Variants in PASK observed in about 807,000 individuals in gnomAD.
PASK encodes PAS domain-containing serine/threonine-protein kinase.
A neutral mutation model predicts 121.0 loss-of-function variants in PASK; 110 were observed. That is an observed-to-expected ratio of 0.91 (90% confidence interval 0.78 to 1.06). The LOEUF (loss-of-function observed/expected upper bound fraction) is 1.06, where lower values mean the gene tolerates loss of function less well. Among genes scored for constraint, PASK ranks in the 50% least tolerant of loss-of-function variants. PASK has a pLI of 0.00. For synonymous variants in PASK, 686 were observed against 717.8 expected, an observed-to-expected ratio of 0.96 and a Z score of 0.71; for missense variants, 1,643 against 1,702.3, an observed-to-expected ratio of 0.97 and a Z score of 0.61.
In PASK at chr2:241,145,425, G is replaced by A. The variant is rs79414439; in HGVS notation, c.-42-2351C>T. On this transcript the variant is annotated intron_variant, in intron 1 of 17. Transcript: ENST00000234040. ...AATTGCTTGAGCCCAGGGAGATGGA[G>A]GCCAGCCTAGGCAACAAAGCGAGAC... 9.9e-5 allele frequency among the ~76,000 whole-genome samples: 15 copies of A among 152,144 alleles called. No homozygotes were observed. In the East Asian group the frequency reaches 2.9e-3, roughly 29 times the overall value.
At chr2:241,146,571 CAAAT>C (rs1448306334) in intron 1 of PASK, among the ~76,000 whole-genome samples, 2 of 152,124 alleles carry the variant, frequency 1.3e-5, no homozygotes, top group Admixed American at 6.5e-5. Flanking sequence ...GCAGTGAAAA[CAAAT>C]AAACTACACA....
intron 1 of PASK, among the ~76,000 whole-genome samples, chr2:241,144,821 G>C (rs1305290361): frequency 6.6e-6 from 1 of 152,238 alleles, no homozygotes; most frequent in Non-Finnish European, 1.5e-5. Flanking sequence ...AGCATCTGGT[G>C]GCTACTGGCC....
Position 241,115,118 on chromosome 2 carries a change from G to A in PASK, c.3258C>T (p.Ser1086=), listed in dbSNP as rs6728223. The part of the protein sequence containing the change: ...FFQLVMEKHG[S]GLDLFAFIDR... ...CGATGAAAGCGAAGAGGTCTAGGCC[G>A]GAGCCGTGCTTCTCCATCACAAGCT... The change falls in exon 14 of 18, where the codon TCC becomes TCT. Residue 1086 remains serine (S), a synonymous_variant. Transcript: ENST00000234040. The A allele has an allele frequency of 6.8e-3, 10,947 of 1,614,026 alleles. 627 individuals carry two copies. The African/African-American group carries it at 0.12, about 18-fold the overall frequency.
Position 241,108,247 on chromosome 2 carries a change from A to C in PASK, c.3587T>G (p.Leu1196Arg), listed in dbSNP as rs758861242. Residue 1196 changes from leucine (L) to arginine (R), a missense_variant, in exon 16 of 18, where the codon CTG (leucine) becomes CGG (arginine). Coordinates refer to ENST00000234040, the MANE Select transcript of PASK (RefSeq NM_015148.4). The surrounding 1 kb of genome is among the most constrained non-coding windows in gnomAD (Gnocchi z 5.2). The part of the protein sequence containing the change: ...MWSLGVTLYT[L>R]VFEENPFCEL... ...ACAGAAGGGGTTCTCCTCAAAGACC[A>C]GCGTGTACAGAGTGACTCCCAGAGA... The C allele has an allele frequency of 1.2e-6, 2 of 1,613,814 alleles. No individual in the cohort carries two copies. The highest frequency in any genetic ancestry group is 1.3e-5 in the African/African-American group (1 of 74,906).
In PASK at chr2:241,140,669, T is replaced by G. The variant is rs747825731; in HGVS notation, c.281A>C (p.Glu94Ala). The G allele has an allele frequency of 6.2e-7, 1 of 1,614,104 alleles. No homozygotes were observed. The change falls in exon 3 of 18, where the codon GAG (glutamate) becomes GCG (alanine). Residue 94 changes from glutamate (E) to alanine (A), a missense_variant. Transcript: ENST00000234040. ...TSKLHCPAAP[E>A]HTDPSEPRGS... ...CCGCGGTTCGGACGGGTCCGTGTGC[T>G]CAGGGGCAGCAGGGCAGTGCAGTTT...
At chr2:241,114,527 C>A (rs1397213688) in intron 14 of PASK, 3 of 1,007,088 alleles carry the variant, frequency 3.0e-6, no homozygotes, top group Non-Finnish European at 3.6e-6. Context: ...GATCATCACT[C>A]TCCCATTCCA....
Position 241,136,059 on chromosome 2 carries a change from C to T in PASK, c.1138-20G>A. 6.2e-7 allele frequency: 1 copy of T among 1,610,254 alleles called. No homozygotes were observed. The highest frequency in any genetic ancestry group is 1.1e-5 in the South Asian group (1 of 90,964). On this transcript the variant is annotated intron_variant, in intron 7 of 17. Transcript: ENST00000234040. ...GATATTCTAGAAAACAAAGCAGGGA[C>T]ATTTCAGAACCTGGAGGATCCACGC... is the stretch of plus-strand genomic sequence containing the variant.
upstream of PASK, chr2:241,150,118 C>T (rs1194381217): frequency 7.9e-7 from 1 of 1,260,774 alleles, no homozygotes; most frequent in Non-Finnish European, 1.0e-6. Flanking sequence ...GCGGCCCCTC[C>T]ACGCCTCCGA....
chr2:241,140,437 G>T, intron 3 of PASK, 84 bp downstream of exon 3: 2 of 1,027,742 alleles, frequency 1.9e-6, no homozygotes, highest in Non-Finnish European at 3.0e-6. Context: ...TTTTCTAATT[G>T]CATTAAAACA....
chr2:241,126,759 G>A lies in PASK; in HGVS notation c.2156C>T (p.Ala719Val), dbSNP rs199611259. ...TGSSSACYAL[A>V]TDLPGGLEAV... ...TTCCAGGCCCCCAGGGAGGTCCGTG[G>A]CCAAGGCATAGCAGGCTGAGGAGCT... is the stretch of plus-strand genomic sequence containing the variant. The change falls in exon 10 of 18, where the codon GCC (alanine) becomes GTC (valine). Residue 719 changes from alanine to valine, a missense_variant. By Grantham distance (64) the Ala-to-Val change is moderately conservative. This residue lies in a region of PASK where 1,176 missense variants were observed against 1,162.2 expected (regional missense o/e 1.01). Transcript: ENST00000234040. The A allele has an allele frequency of 3.1e-6, 5 of 1,614,082 alleles. No individual in the cohort carries two copies. Among genetic ancestry groups the A allele is most frequent in the Non-Finnish European group, 4.2e-6 (5 of 1,180,024 alleles).
Position 241,115,139 on chromosome 2 carries a change from A to C in PASK, c.3237T>G (p.Leu1079=), listed in dbSNP as rs769190276. 2.5e-6 allele frequency: 4 copies of C among 1,614,074 alleles called. No homozygotes were observed. The South Asian group carries it at 4.4e-5, about 18-fold the overall frequency. Residue 1079 remains leucine, a synonymous_variant, in exon 14 of 18, where the codon CTT becomes CTG. Coordinates refer to ENST00000234040, the MANE Select transcript of PASK (RefSeq NM_015148.4). ...GGCCGGAGCCGTGCTTCTCCATCAC[A>C]AGCTGGAAGAACCCTTGGTTTTCAA... is the stretch of plus-strand genomic sequence containing the variant. ...DIFENQGFFQ[L]VMEKHGSGLD... is the part of the protein sequence containing the mutation.
chr2:241,142,524 A>G (rs1002668257), intron 2 of PASK, among the ~76,000 whole-genome samples: 3 of 152,258 alleles, frequency 2.0e-5, no homozygotes, highest in Admixed American at 2.0e-4. Context: ...AGCCTAACCT[A>G]GAACAGCGTT....
chr2:241,145,402 T>C (rs890724160), intron 1 of PASK, among the ~76,000 whole-genome samples: 25 of 152,180 alleles, frequency 1.6e-4, no homozygotes, highest in African/African-American at 4.3e-4. Context: ...GGCAGGATAA[T>C]TGCTTGAGCC....
Position 241,133,023 on chromosome 2 carries a change from C to T in PASK, c.1314G>A (p.Arg438=), listed in dbSNP as rs150978020. 531 of 1,614,040 alleles carry T rather than the reference C, an allele frequency of 3.3e-4. 1 individual carries two copies. Among genetic ancestry groups the T allele is most frequent in the Non-Finnish European group, 4.3e-4 (507 of 1,180,014 alleles). Residue 438 remains arginine (R), a synonymous_variant, in exon 9 of 18, where the codon AGG becomes AGA. Coordinates refer to ENST00000234040, the MANE Select transcript of PASK (RefSeq NM_015148.4). The stretch of plus-strand genomic sequence containing the variant: ...GGCCACCAGCAAGCACGACATTAAT[C>T]CTTGGATCTGGCAGCAACACCAAAA... ...QDPAEGGQDP[R]INVVLAGGHV... is the part of the protein sequence containing the mutation.
chr2:241,142,059 G>A (rs971519642), intron 2 of PASK, among the ~76,000 whole-genome samples: 5 of 152,054 alleles, frequency 3.3e-5, no homozygotes, highest in Non-Finnish European at 4.4e-5. Context: ...TCCCAAGGGC[G>A]CTGTGTGCCT....
chr2:241,123,848 CTG>C, intron 11 of PASK, 99 bp downstream of exon 11: 1 of 917,196 alleles, frequency 1.1e-6, no homozygotes, highest in Non-Finnish European at 1.7e-6. Flanking sequence ...TACAAACAGA[CTG>C]TATTCCCGTC....
chr2:241,108,265 C>T lies in PASK; in HGVS notation c.3569G>A (p.Gly1190Glu), dbSNP rs749420303. 1 of 1,614,036 alleles carries T rather than the reference C, an allele frequency of 6.2e-7. No individual in the cohort carries two copies. The highest frequency in any genetic ancestry group is 1.1e-5 in the South Asian group (1 of 91,068). ...AAAGACCAGCGTGTACAGAGTGACT[C>T]CCAGAGACCACATCTCCAGCTCCGG... Reference protein sequence around the residue: ...RGPELEMWSLGVTLYTLVFEE... With the variant: ...RGPELEMWSLEVTLYTLVFEE... The change falls in exon 16 of 18, where the codon GGA becomes GAA. Residue 1190 changes from glycine to glutamate, a missense_variant. By Grantham distance (98) the Gly-to-Glu change is moderately conservative. Around this residue, in one of 3 missense-constraint regions of PASK, gnomAD observed 453 missense variants for 511.2 expected, o/e 0.89. Coordinates refer to ENST00000234040, the MANE Select transcript of PASK (RefSeq NM_015148.4). This position sits in a 1 kb window ranked among gnomAD's most constrained non-coding sequence, Gnocchi z 5.2.
At chr2:241,116,587 AACAT>A (rs2065380152) in intron 12 of PASK, among the ~76,000 whole-genome samples, 1 of 152,256 alleles carries the variant, frequency 6.6e-6, no homozygotes, top group Non-Finnish European at 1.5e-5. Context: ...ACATGTTTTC[AACAT>A]TGACTCTGAG....
intron 12 of PASK, among the ~76,000 whole-genome samples, chr2:241,115,681 A>AG (rs1368558267): frequency 0.018 from 2,278 of 124,850 alleles, 29 homozygotes; most frequent in African/African-American, 0.037. Flanking sequence ...CCATTACACC[A>AG]GGGCCACCCA....
Sources: allele counts gnomAD v4.1 joint callset (sites outside exome capture counted in the v4.1 genomes callset), GRCh38; gene constraint gnomAD v4.1.1; regional missense constraint gnomAD v4.1.1; non-coding constraint Gnocchi (gnomAD v3.1); transcripts MANE v1.5; gene names NCBI Gene and HGNC (gene_info 2026-07-23, HGNC 2026-07-21).